The following DCDC2C variants were observed in gnomAD, a reference collection of about 807,000 sequenced individuals.
The protein encoded by DCDC2C is doublecortin domain containing 2C.
In DCDC2C, 44 loss-of-function variants were observed where a neutral mutation model predicts 45.0. That is an observed-to-expected ratio of 0.98 (90% CI 0.77 to 1.26). DCDC2C has a LOEUF of 1.26. Among genes scored for constraint, DCDC2C ranks in the 50% most tolerant of loss-of-function variants. The pLI, the probability that DCDC2C is intolerant of heterozygous loss-of-function variation, is 0.00. For synonymous variants in DCDC2C, 187 were observed against 178.8 expected, an observed-to-expected ratio of 1.05 and a Z score of -0.37; for missense variants, 447 against 468.9, an observed-to-expected ratio of 0.95 and a Z score of 0.43.
intron 3 of DCDC2C, among the ~76,000 whole-genome samples, chr2:3,737,978 A>G (rs1371859081): frequency 2.0e-5 from 3 of 152,322 alleles, no homozygotes; most frequent in Non-Finnish European, 4.4e-5. Flanking sequence ...TTTTATTTAA[A>G]TAAACCATCT....
In DCDC2C at chr2:3,742,079, G is replaced by C. The variant is rs888924227; in HGVS notation, c.545+31G>C. ...GAGACTCTCGCCTTTAGGACAGCCA[G>C]GGGGCGGCAGCTTGTGTTTATTCTT... On this transcript the variant is annotated intron_variant, in intron 4 of 10. Transcript: ENST00000399143. 2.3e-5 allele frequency: 34 copies of C among 1,492,756 alleles called. No individual in the cohort carries two copies. In the African/African-American group the frequency reaches 4.7e-4, roughly 21 times the overall value. The allele number at this position is 1,492,756 out of a possible 1,614,324, so 92.5% of individuals were successfully genotyped here.
chr2:3,725,258 A>G (rs1016365485), intron 2 of DCDC2C, among the ~76,000 whole-genome samples: 4 of 152,104 alleles, frequency 2.6e-5, no homozygotes, highest in Non-Finnish European at 4.4e-5. Context: ...TGGGCCTTGG[A>G]AGGGCAGTGT....
chr2:3,728,810 C>T (rs928940641), intron 3 of DCDC2C, among the ~76,000 whole-genome samples: 2 of 152,168 alleles, frequency 1.3e-5, no homozygotes, highest in African/African-American at 2.4e-5. Context: ...GGAGAGTTGG[C>T]GAGGGAGTGA....
intron 10 of DCDC2C, among the ~76,000 whole-genome samples, chr2:3,799,674 C>T (rs1184185043): frequency 1.2e-4 from 19 of 152,272 alleles, no homozygotes; most frequent in Admixed American, 1.0e-3. Context: ...CCCAGTTAGG[C>T]TGCTCGGGGG....
chr2:3,805,800 C>T (rs1269544617), intron 10 of DCDC2C, among the ~76,000 whole-genome samples: 2 of 152,222 alleles, frequency 1.3e-5, no homozygotes, highest in African/African-American at 4.8e-5. Context: ...CTTCACTTGT[C>T]TCATTTTTAA....
At chr2:3,742,095 GTTTATTC>G (rs1332697732) in intron 4 of DCDC2C, 47 bp downstream of exon 4, 1 of 1,475,964 alleles carries the variant, frequency 6.8e-7, no homozygotes, top group East Asian at 2.5e-5. Context: ...GGCAGCTTGT[GTTTATTC>G]TTTCTATGAG....
rs138569048 is a variant in DCDC2C at position 3,769,074 on chromosome 2, G to A, written c.854-237G>A. The stretch of plus-strand genomic sequence containing the variant: ...GGTCCAGGACCTTCATGAAGACAGA[G>A]ACAAAAGCAGACGGGGCTAAAATCG... On this transcript the variant is annotated intron_variant, in intron 7 of 10. Coordinates refer to ENST00000399143, the MANE Select transcript of DCDC2C (RefSeq NM_001287444.2). The A allele has an allele frequency of 1.4e-3, 639 of 469,886 alleles. 2 individuals are homozygous for A. The highest frequency in any genetic ancestry group is 0.01 in the African/African-American group (537 of 51,574). 29.1% of individuals were successfully genotyped at this position (469,886 alleles called of 1,614,324 possible). A position where few individuals can be genotyped will look rare whatever the true frequency, so the allele number is the denominator to read the frequency against.
rs13021385 is a variant in DCDC2C at position 3,778,797 on chromosome 2, T to C, written c.955-19T>C. 0.36 allele frequency: 552,578 copies of C among 1,547,372 alleles called. 99,871 individuals carry two copies. Among genetic ancestry groups the C allele is most frequent in the South Asian group, 0.45 (37,902 of 83,808 alleles). On this transcript the variant is annotated intron_variant, in intron 8 of 10. Coordinates refer to ENST00000399143, the MANE Select transcript of DCDC2C (RefSeq NM_001287444.2). Reference sequence around the variant, plus strand: ...TTCCACATAAGTAGTTGATAAAATGTGGTGTATTTTCTCCCCAGAGACAAG... The same window carrying C: ...TTCCACATAAGTAGTTGATAAAATGCGGTGTATTTTCTCCCCAGAGACAAG...
chr2:3,735,415 C>CT (rs1200492039), intron 3 of DCDC2C, among the ~76,000 whole-genome samples: 26 of 151,904 alleles, frequency 1.7e-4, no homozygotes, highest in Non-Finnish European at 3.4e-4. Flanking sequence ...CCCTCCCCTG[C>CT]CCCCCACCCC....
chr2:3,720,691 T>C (rs747962746), intron 2 of DCDC2C, among the ~76,000 whole-genome samples: 3 of 152,190 alleles, frequency 2.0e-5, no homozygotes, highest in Non-Finnish European at 4.4e-5. Flanking sequence ...TTGTTAATAT[T>C]ATGAATTACA....
At chr2:3,843,440 G>A (rs573663495) in intron 10 of DCDC2C, among the ~76,000 whole-genome samples, 1 of 152,278 alleles carries the variant, frequency 6.6e-6, no homozygotes, top group South Asian at 2.1e-4. Context: ...GCTCTGCAAG[G>A]CTTCTCGCTG....
Position 3,727,033 on chromosome 2 carries a change from G to C in DCDC2C, c.370G>C (p.Val124Leu), listed in dbSNP as rs752256958. 2 of 1,550,436 alleles carry C rather than the reference G, an allele frequency of 1.3e-6. No homozygotes were observed. The highest frequency in any genetic ancestry group is 2.4e-5 in the South Asian group (2 of 84,042). ...IKPVVHCDIN[V>L]PSKWQTYHRI... is the part of the protein sequence containing the mutation. ...ACCAGTGGTGCATTGTGATATAAATGTGCCTTCCAAGTGGCAAACATATCA... is the reference window on the plus strand; with the variant it reads ...ACCAGTGGTGCATTGTGATATAAATCTGCCTTCCAAGTGGCAAACATATCA... The change falls in exon 3 of 11, where the codon GTG becomes CTG. Residue 124 changes from valine to leucine, a missense_variant. By Grantham distance (32) the Val-to-Leu change is conservative. Coordinates refer to ENST00000399143, the MANE Select transcript of DCDC2C (RefSeq NM_001287444.2).
chr2:3,737,849 C>G (rs1276827886), intron 3 of DCDC2C, among the ~76,000 whole-genome samples: 1 of 152,158 alleles, frequency 6.6e-6, no homozygotes, highest in Non-Finnish European at 1.5e-5. Context: ...GAAATATTTT[C>G]TATTTAAAAT....
chr2:3,839,749 C>T (rs1054611775), intron 10 of DCDC2C, among the ~76,000 whole-genome samples: 1 of 152,198 alleles, frequency 6.6e-6, no homozygotes, highest in African/African-American at 2.4e-5. Flanking sequence ...TGTCAGCTCC[C>T]GCATCTGCTC....
At chr2:3,767,647 G>GT in intron 6 of DCDC2C, 107 bp from the exon 7 acceptor site, 3 of 1,323,072 alleles carry the variant, frequency 2.3e-6, no homozygotes, top group Non-Finnish European at 3.1e-6. Context: ...TCCTCCTACT[G>GT]TTTCTCTGAG....
At chr2:3,765,199 C>T (rs1056306304) in intron 6 of DCDC2C, among the ~76,000 whole-genome samples, 7 of 152,238 alleles carry the variant, frequency 4.6e-5, no homozygotes, top group Admixed American at 2.0e-4. Flanking sequence ...TTCAACTCTT[C>T]TTTCCCTACT....
intron 8 of DCDC2C, among the ~76,000 whole-genome samples, chr2:3,776,630 G>A (rs1038832328): frequency 1.3e-5 from 2 of 152,210 alleles, no homozygotes; most frequent in Non-Finnish European, 2.9e-5. Context: ...TCAGATGCTG[G>A]CTTTCAGCAA....
intron 4 of DCDC2C, among the ~76,000 whole-genome samples, chr2:3,746,038 G>A (rs1418720509): frequency 6.6e-6 from 1 of 152,148 alleles, no homozygotes; most frequent in East Asian, 1.9e-4. Flanking sequence ...GTAGGTCTCT[G>A]TGCAAGACAA....
At chr2:3,719,647 T>C (rs1221503616) in intron 2 of DCDC2C, among the ~76,000 whole-genome samples, 1 of 152,198 alleles carries the variant, frequency 6.6e-6, no homozygotes, top group Non-Finnish European at 1.5e-5. Flanking sequence ...CTTTGCCTGA[T>C]GTCTTGGAAT....
Sources: allele counts gnomAD v4.1 joint callset (sites outside exome capture counted in the v4.1 genomes callset), GRCh38; gene constraint gnomAD v4.1.1; transcripts MANE v1.5; gene names NCBI Gene and HGNC (gene_info 2026-07-23, HGNC 2026-07-21).